The following RARB variants were observed in gnomAD, a reference collection of about 807,000 sequenced individuals.
RARB encodes retinoic acid receptor beta, also known as HBV-activated protein.
In RARB, 17 loss-of-function variants were observed where a neutral mutation model predicts 51.9. The observed-to-expected ratio is 0.33, with a 90% CI of 0.22 to 0.49. RARB has a LOEUF of 0.49. Among genes scored for constraint, RARB ranks in the 20% least tolerant of loss-of-function variants. RARB has a pLI of 0.99. For missense variants in RARB, 369 were observed against 550.8 expected, an observed-to-expected ratio of 0.67 and a Z score of 3.30; for synonymous variants, 215 against 195.4, an observed-to-expected ratio of 1.10 and a Z score of -0.84.
chr3:25,444,516 G>A (rs1300592939), intron 1 of RARB, among the ~76,000 whole-genome samples: 1 of 152,084 alleles, frequency 6.6e-6, no homozygotes. Context: ...ATTATTTACA[G>A]ATGTATACAC....
At chr3:25,269,349 A>G (rs79002254) in intron 5 of RARB, among the ~76,000 whole-genome samples, 16,352 of 152,258 alleles carry the variant, frequency 0.11, 1,132 homozygotes, top group Non-Finnish European at 0.16. Context: ...TCAGTGGATC[A>G]TTCAGCACCA....
intron 5 of RARB, among the ~76,000 whole-genome samples, chr3:25,353,528 A>G (rs1310737691): frequency 6.7e-6 from 1 of 149,980 alleles, no homozygotes; most frequent in Non-Finnish European, 1.5e-5. Flanking sequence ...TTTTTCTCTT[A>G]ACTTGTTAAA....
chr3:24,958,438 A>G (rs1696070715), intron 2 of RARB, among the ~76,000 whole-genome samples: 1 of 152,008 alleles, frequency 6.6e-6, no homozygotes, highest in African/African-American at 2.4e-5. Context: ...CAAAGCAACT[A>G]TAAAGGCAAT....
chr3:24,848,932 A>G (rs1702519212), intron 1 of RARB, among the ~76,000 whole-genome samples: 1 of 151,984 alleles, frequency 6.6e-6, no homozygotes, highest in African/African-American at 2.4e-5. Flanking sequence ...CCTCCTTACT[A>G]CTCACTTTGG....
chr3:25,292,101 C>G (rs1703801748), intron 5 of RARB, among the ~76,000 whole-genome samples: 1 of 151,874 alleles, frequency 6.6e-6, no homozygotes, highest in Non-Finnish European at 1.5e-5. Flanking sequence ...AACTCCCCAT[C>G]CTTTTCTTGA....
intron 2 of RARB, among the ~76,000 whole-genome samples, chr3:25,046,598 C>A (rs1308928194): frequency 6.6e-6 from 1 of 151,994 alleles, no homozygotes; most frequent in Non-Finnish European, 1.5e-5. Flanking sequence ...GGATTGCAGG[C>A]ACACACCACC....
At chr3:24,936,154 C>T (rs1354676536) in intron 2 of RARB, among the ~76,000 whole-genome samples, 1 of 152,060 alleles carries the variant, frequency 6.6e-6, no homozygotes, top group South Asian at 2.1e-4. Context: ...TCATTCCATC[C>T]ATGGTCCATG....
intron 3 of RARB, among the ~76,000 whole-genome samples, chr3:25,064,963 C>T (rs142809849): frequency 6.6e-6 from 1 of 152,306 alleles, no homozygotes; most frequent in African/African-American, 2.4e-5. Context: ...GTGAGCCACA[C>T]ACATGGAGAA....
intron 5 of RARB, among the ~76,000 whole-genome samples, chr3:25,588,662 G>T (rs1701498351): frequency 6.6e-6 from 1 of 152,150 alleles, no homozygotes. Context: ...CAAGACCCCG[G>T]CCAGAGCTGC....
intron 3 of RARB, among the ~76,000 whole-genome samples, chr3:25,074,572 G>C (rs140590961): frequency 6.6e-6 from 1 of 152,030 alleles, no homozygotes; most frequent in Non-Finnish European, 1.5e-5. Flanking sequence ...TTCACCCTTC[G>C]AAGCCTGCCA....
At chr3:25,158,810 A>G (rs541376292) in intron 4 of RARB, among the ~76,000 whole-genome samples, 1 of 152,322 alleles carries the variant, frequency 6.6e-6, no homozygotes, top group African/African-American at 2.4e-5. Context: ...ACAACTATTC[A>G]GAGACCCAAA....
intron 5 of RARB, among the ~76,000 whole-genome samples, chr3:25,285,550 C>T (rs1703630118): frequency 6.6e-6 from 1 of 152,156 alleles, no homozygotes; most frequent in South Asian, 2.1e-4. Flanking sequence ...TTGAACCTGA[C>T]AGACCAATTA....
chr3:24,909,397 C>T (rs537277474), intron 2 of RARB, among the ~76,000 whole-genome samples: 12 of 152,094 alleles, frequency 7.9e-5, no homozygotes, highest in Non-Finnish European at 1.6e-4. Flanking sequence ...TGGTGCTCTC[C>T]AGCACATTAA....
intron 2 of RARB, among the ~76,000 whole-genome samples, chr3:25,470,889 C>T (rs1222916787): frequency 6.6e-6 from 1 of 152,176 alleles, no homozygotes; most frequent in African/African-American, 2.4e-5. Context: ...GGGCAGGTCT[C>T]TCTTGTCACA....
At chr3:25,146,376 G>A (rs982793364) in intron 4 of RARB, among the ~76,000 whole-genome samples, 2 of 152,096 alleles carry the variant, frequency 1.3e-5, no homozygotes, top group Non-Finnish European at 1.5e-5. Context: ...TCATTACAGG[G>A]TGGGAAGCAG....
intron 2 of RARB, among the ~76,000 whole-genome samples, chr3:25,004,259 T>C (rs1388995254): frequency 6.6e-6 from 1 of 152,148 alleles, no homozygotes; most frequent in Non-Finnish European, 1.5e-5. Flanking sequence ...TGAAAAGATA[T>C]TTTTCTCTGT....
intron 3 of RARB, among the ~76,000 whole-genome samples, chr3:25,074,731 G>T (rs1378121641): frequency 6.6e-6 from 1 of 152,112 alleles, no homozygotes; most frequent in Non-Finnish European, 1.5e-5. Context: ...ACTGAGAAAT[G>T]GAGATGAAAC....
chr3:25,362,674 T>C (rs1042820624), intron 5 of RARB, among the ~76,000 whole-genome samples: 4 of 152,032 alleles, frequency 2.6e-5, no homozygotes, highest in African/African-American at 9.7e-5. Flanking sequence ...TGGGCAGGAG[T>C]GCACCATTAC....
chr3:25,382,965 A>G (rs1450008388), intron 5 of RARB, among the ~76,000 whole-genome samples: 1 of 152,192 alleles, frequency 6.6e-6, no homozygotes, highest in Non-Finnish European at 1.5e-5. Context: ...TCATAGGCAA[A>G]CTTCCCAGAA....
Sources: allele counts gnomAD v4.1 joint callset (sites outside exome capture counted in the v4.1 genomes callset), GRCh38; gene constraint gnomAD v4.1.1; transcripts MANE v1.5; gene names NCBI Gene and HGNC (gene_info 2026-07-23, HGNC 2026-07-21).